RIF1: variants seen among roughly 807,000 people sequenced by gnomAD.
RIF1 encodes the protein replication timing regulatory factor 1.
RIF1 carries 45 observed loss-of-function variants against 247.1 expected under a neutral mutation model. That is an observed-to-expected ratio of 0.18 (90% CI 0.14 to 0.23). The LOEUF (loss-of-function observed/expected upper bound fraction) is 0.23. Ranked by LOEUF, RIF1 falls within the 10% of genes least tolerant of loss-of-function variation. The pLI is 1.00. For synonymous variants in RIF1, 1,087 were observed against 978.8 expected (o/e 1.11, Z -2.06); for missense variants, 2,967 against 2,862.5 (o/e 1.04, Z -0.83).
chr2:151,503,193 A>T (rs1056499627), intron 12 of RIF1: 23 of 619,860 alleles, frequency 3.7e-5, no homozygotes, highest in Non-Finnish European at 5.1e-5. Flanking sequence ...AATGTGAGTC[A>T]TTTTGTATTA....
intron 15 of RIF1, among the ~76,000 whole-genome samples, chr2:151,441,196 G>A (rs941531101): frequency 5.9e-5 from 9 of 152,044 alleles, no homozygotes; most frequent in Non-Finnish European, 1.2e-4. Flanking sequence ...AATCCAGCCT[G>A]GACAACAATG....
chr2:151,471,153 G>A (rs1054941334), intron 34 of RIF1, among the ~76,000 whole-genome samples: 15 of 151,948 alleles, frequency 9.9e-5, no homozygotes, highest in African/African-American at 3.4e-4. Context: ...AAGTGGGGTC[G>A]TACAACTTGT....
chr2:151,463,260 T>G lies in RIF1; in HGVS notation c.3740T>G (p.Val1247Gly). The change falls in exon 30 of 36, where the codon GTT becomes GGT. Residue 1247 changes from valine to glycine, a missense_variant. Coordinates refer to ENST00000444746, the MANE Select transcript of RIF1 (RefSeq NM_018151.5). ...CCCTTGAATAATATTTCATCAACTG[T>G]TACAGTGAAAAATAACCAGGAAACC... The part of the protein sequence containing the change: ...PSPLNNISST[V>G]TVKNNQETMI... 6.2e-7 allele frequency: 1 copy of G among 1,613,308 alleles called. No individual in the cohort carries two copies. The highest frequency in any genetic ancestry group is 8.5e-7 in the Non-Finnish European group (1 of 1,179,804).
downstream of RIF1, among the ~76,000 whole-genome samples, chr2:151,512,235 C>T (rs1173854536): frequency 6.6e-6 from 1 of 151,894 alleles, no homozygotes; most frequent in Non-Finnish European, 1.5e-5. Context: ...AGAGTTTCAC[C>T]GTGTTAGCCA....
chr2:151,474,831 A>C (rs369720385), intron 35 of RIF1, 26 bp from the exon 36 acceptor site: 1 of 1,304,998 alleles, frequency 7.7e-7, no homozygotes, highest in African/African-American at 1.5e-5. Context: ...TATAGATTTA[A>C]TTGTGGTTTT....
Position 151,502,928 on chromosome 2 carries a change from C to G in RIF1, c.*710-106C>G, listed in dbSNP as rs770495410. The G allele has an allele frequency of 9.8e-6, 12 of 1,221,336 alleles. 1 individual carries two copies. Among genetic ancestry groups the G allele is most frequent in the Non-Finnish European group, 1.4e-5 (12 of 846,110 alleles). The allele number at this position is 1,221,336 out of a possible 1,614,324, so 75.7% of individuals were successfully genotyped here. On this transcript the variant is annotated intron_variant and NMD_transcript_variant, in intron 11 of 13. Transcript: ENST00000454583. The stretch of plus-strand genomic sequence containing the variant: ...GTACCCAGAGGACATTTAAAACAGG[C>G]ACAGAGAGTAAGGAAGGAAGGAAAT...
At chr2:151,459,937 G>A in intron 25 of RIF1, 63 bp from the exon 26 acceptor site, 1 of 1,339,462 alleles carries the variant, frequency 7.5e-7, no homozygotes, top group Non-Finnish European at 1.0e-6. Context: ...TTCAAAACGT[G>A]AAAAGGAAAA....
At position 151,459,302 on chromosome 2, in the gene RIF1, G is replaced by T. The variant is rs2444259; in HGVS notation, c.2955+392G>T. 2.3e-3 allele frequency among the ~76,000 whole-genome samples: 352 copies of T among 152,146 alleles called. 9 individuals carry two copies. In the East Asian group the frequency reaches 0.046, roughly 20 times the overall value. On this transcript the variant is annotated intron_variant, in intron 25 of 35. Coordinates refer to ENST00000444746, the MANE Select transcript of RIF1 (RefSeq NM_018151.5). The stretch of plus-strand genomic sequence containing the variant: ...GGAAAATAAATCTTTGCTGTCACAT[G>T]GCATTAGGAGCAAAGTTTCTTTGGC...
In RIF1 at chr2:151,480,728, T is replaced by C. The variant is rs2049132168; in HGVS notation, c.*5657T>C. 1 of 152,226 alleles carries C rather than the reference T, an allele frequency of 6.6e-6. No homozygotes were observed. The highest frequency in any genetic ancestry group is 1.5e-5 in the Non-Finnish European group (1 of 68,026). 9.4% of individuals were successfully genotyped at this position (152,226 alleles called of 1,614,324 possible). A position where few individuals can be genotyped will look rare whatever the true frequency, so the allele number is the denominator to read the frequency against. ...ATAGAGTATAGTCTAACAATTATTT[T>C]GATACACTATTGAATAGCTAACAAG... is the stretch of plus-strand genomic sequence containing the variant. On this transcript the variant is annotated 3_prime_UTR_variant, in exon 36 of 36. Transcript: ENST00000444746.
At chr2:151,494,322 G>T in intron 9 of RIF1, 1 of 1,064,128 alleles carries the variant, frequency 9.4e-7, no homozygotes, top group Non-Finnish European at 1.4e-6. Context: ...AAAGGAAATG[G>T]TACAGATAAC....
downstream of RIF1, chr2:151,485,681 GT>G: frequency 7.4e-7 from 1 of 1,356,444 alleles, no homozygotes; most frequent in Non-Finnish European, 1.0e-6. Flanking sequence ...GAGAACTTAG[GT>G]AACAGTGGAG....
chr2:151,528,855 T>C, the RIF1 span, among the ~76,000 whole-genome samples: 1 of 152,180 alleles, frequency 6.6e-6, no homozygotes, highest in Non-Finnish European at 1.5e-5. Context: ...ATTGTAGAGT[T>C]TGAGGCAGGA....
chr2:151,510,877 A>G (rs141948252), downstream of RIF1, among the ~76,000 whole-genome samples: 260 of 152,346 alleles, frequency 1.7e-3, 2 homozygotes, highest in South Asian at 0.031. Context: ...TTAACCCCCA[A>G]GTATGAGGTT....
At chr2:151,446,302 A>T in intron 19 of RIF1, 124 bp from the exon 20 acceptor site, 28 of 855,320 alleles carry the variant, frequency 3.3e-5, no homozygotes, top group Non-Finnish European at 4.3e-5. Flanking sequence ...CCCGGCCGTT[A>T]GTGTCTTTTT....
rs754996127 is a variant in RIF1, at chr2:151,473,987, G to A, written c.7119G>A (p.Glu2373=). ...AGGTGAAGACTCGTGGACTAGAAGAGATTCCAGTTTTTGATATTTCTGAAA... is the reference window on the plus strand; with the variant it reads ...AGGTGAAGACTCGTGGACTAGAAGAAATTCCAGTTTTTGATATTTCTGAAA... The part of the protein sequence containing the change: ...EQQVKTRGLE[E]IPVFDISEKT... Residue 2373 remains glutamate (E), a synonymous_variant, in exon 35 of 36, where the codon GAG becomes GAA. Coordinates refer to ENST00000444746, the MANE Select transcript of RIF1 (RefSeq NM_018151.5). 6.9e-6 allele frequency: 11 copies of A among 1,590,924 alleles called. No individual in the cohort carries two copies. Among genetic ancestry groups the A allele is most frequent in the Non-Finnish European group, 9.5e-6 (11 of 1,161,556 alleles).
At chr2:151,428,151 C>T (rs932916980) in intron 8 of RIF1, among the ~76,000 whole-genome samples, 2 of 152,170 alleles carry the variant, frequency 1.3e-5, no homozygotes, top group African/African-American at 2.4e-5. Context: ...ATCACTTGAA[C>T]CCAGGAGCTG....
At chr2:151,501,132 A>G (rs199692784) in intron 11 of RIF1, among the ~76,000 whole-genome samples, 6 of 152,292 alleles carry the variant, frequency 3.9e-5, no homozygotes, top group South Asian at 2.1e-4. Context: ...CTGGAAATCA[A>G]TTAACTTCAA....
intron 11 of RIF1, among the ~76,000 whole-genome samples, chr2:151,499,805 T>A (rs2063065227): frequency 6.6e-6 from 1 of 152,218 alleles, no homozygotes; most frequent in South Asian, 2.1e-4. Flanking sequence ...ATATGGCAAT[T>A]TGGTCCTTGT....
At chr2:151,487,718 T>C (rs1213201525) in intron 9 of RIF1, among the ~76,000 whole-genome samples, 1 of 152,188 alleles carries the variant, frequency 6.6e-6, no homozygotes, top group Non-Finnish European at 1.5e-5. Flanking sequence ...AAGGTAAAAG[T>C]TTTAGGTCAA....
Sources: allele counts gnomAD v4.1 joint callset (sites outside exome capture counted in the v4.1 genomes callset), GRCh38; gene constraint gnomAD v4.1.1; transcripts MANE v1.5; gene names NCBI Gene and HGNC (gene_info 2026-07-23, HGNC 2026-07-21).